SIK3: variants seen among roughly 807,000 people sequenced by gnomAD.
SIK3 encodes the protein serine/threonine-protein kinase SIK3.
A neutral mutation model predicts 144.2 loss-of-function variants in SIK3; 28 were observed. The observed-to-expected ratio is 0.19, with a 90% CI of 0.14 to 0.27. The LOEUF (loss-of-function observed/expected upper bound fraction) is 0.27, where lower values mean the gene tolerates loss of function less well. Ranked by LOEUF, SIK3 falls within the 10% of genes least tolerant of loss-of-function variation. SIK3 has a pLI of 1.00. For missense variants in SIK3, 1,319 were observed against 1,776.0 expected, an observed-to-expected ratio of 0.74 and a Z score of 4.62; for synonymous variants, 686 against 676.3, an observed-to-expected ratio of 1.01 and a Z score of -0.22.
At position 116,858,168 on chromosome 11, in the gene SIK3, G is replaced by A; in HGVS notation, c.3297C>T (p.Asp1099=). The change falls in exon 21 of 25, where the codon GAC becomes GAT. Residue 1099 remains aspartate, a synonymous_variant. Coordinates refer to ENST00000445177, the MANE Select transcript of SIK3 (RefSeq NM_001366686.3). This position sits in a 1 kb window ranked among gnomAD's most constrained non-coding sequence, Gnocchi z 5.4. ...ERQALSYQNA[D]SYHHHTSPQH... ...GGGGGCTGGTGTGATGGTGATAAGA[G>A]TCAGCATTTTGATAAGATAAAGCCT... The A allele has an allele frequency of 5.6e-6, 9 of 1,614,146 alleles. No homozygotes were observed. The highest frequency in any genetic ancestry group is 1.1e-5 in the South Asian group (1 of 91,076).
intron 1 of SIK3, among the ~76,000 whole-genome samples, chr11:117,095,422 GA>G (rs1955432762): frequency 2.6e-5 from 4 of 151,942 alleles, no homozygotes; most frequent in Admixed American, 6.6e-5. Context: ...ACAGATGGGG[GA>G]AAAAAATAAC....
At chr11:116,895,413 A>C (rs1411451864) in intron 6 of SIK3, among the ~76,000 whole-genome samples, 1 of 152,156 alleles carries the variant, frequency 6.6e-6, no homozygotes, top group African/African-American at 2.4e-5. Context: ...AGCATTTAGC[A>C]CTATCTTCTA....
At chr11:117,037,144 A>G (rs1952539952) in intron 1 of SIK3, among the ~76,000 whole-genome samples, 1 of 152,176 alleles carries the variant, frequency 6.6e-6, no homozygotes, top group African/African-American at 2.4e-5. Context: ...CCTGGTCTTT[A>G]TCCAGAATCT....
intron 3 of SIK3, among the ~76,000 whole-genome samples, chr11:116,935,782 C>T (rs1947885800): frequency 2.6e-5 from 4 of 152,130 alleles, no homozygotes; most frequent in Admixed American, 2.6e-4. Context: ...TGTTGCAATC[C>T]TAGCTCTAAC....
At chr11:116,927,927 T>G (rs1947367852) in intron 3 of SIK3, among the ~76,000 whole-genome samples, 1 of 152,242 alleles carries the variant, frequency 6.6e-6, no homozygotes, top group African/African-American at 2.4e-5. Flanking sequence ...AAAAACACAC[T>G]TACTCGGTAA....
At position 116,857,918 on chromosome 11, in the gene SIK3, C is replaced by G. The variant is rs1180126728; in HGVS notation, c.3547G>C (p.Asp1183His). The G allele has an allele frequency of 6.2e-7, 1 of 1,614,100 alleles. No individual in the cohort carries two copies. Among genetic ancestry groups the G allele is most frequent in the African/African-American group, 1.3e-5 (1 of 75,022 alleles). ...ACAGTTCCTAGCAAAGATTCAGGGT[C>G]CCCAGGTCCACCGGTACTCAAGAGC... The part of the protein sequence containing the change: ...PLLLSTGGPG[D>H]PESLLGTVSH... Residue 1183 changes from aspartate to histidine, a missense_variant, in exon 21 of 25, where the codon GAC (aspartate) becomes CAC (histidine). Physicochemically the swap from Asp to His is moderately conservative, Grantham distance 81. Coordinates refer to ENST00000445177, the MANE Select transcript of SIK3 (RefSeq NM_001366686.3).
chr11:116,866,564 C>T (rs1476503040), intron 15 of SIK3, among the ~76,000 whole-genome samples: 1 of 152,166 alleles, frequency 6.6e-6, no homozygotes, highest in African/African-American at 2.4e-5. Flanking sequence ...GCCTTAGCTT[C>T]CCGAGTAGCT....
At chr11:116,848,737 C>A (rs1325081074) in intron 22 of SIK3, among the ~76,000 whole-genome samples, 1 of 152,108 alleles carries the variant, frequency 6.6e-6, no homozygotes, top group Non-Finnish European at 1.5e-5. Context: ...TTAAGGTAGG[C>A]GAATTGCCTG....
chr11:116,859,638 C>T, intron 19 of SIK3, 34 bp from the exon 20 acceptor site: 1 of 1,579,912 alleles, frequency 6.3e-7, no homozygotes, highest in Non-Finnish European at 8.7e-7. Context: ...TGACCAAGTG[C>T]CCAGGCCACC....
At chr11:116,934,045 A>G (rs576271712) in intron 3 of SIK3, among the ~76,000 whole-genome samples, 30 of 152,254 alleles carry the variant, frequency 2.0e-4, no homozygotes, top group African/African-American at 7.2e-4. Flanking sequence ...GGTCTTTCCT[A>G]TCTCTATTGT....
chr11:116,947,370 T>C (rs1016906564), intron 3 of SIK3, among the ~76,000 whole-genome samples: 4 of 147,300 alleles, frequency 2.7e-5, no homozygotes, highest in Admixed American at 1.4e-4. Context: ...GTCCGAACAA[T>C]AGAAGAATCA....
At chr11:116,969,551 T>C (rs1289344246) in intron 1 of SIK3, among the ~76,000 whole-genome samples, 12 of 107,210 alleles carry the variant, frequency 1.1e-4, no homozygotes, top group South Asian at 5.9e-4. Context: ...ATAGATCAAG[T>C]TGGCATTTTT....
intron 1 of SIK3, among the ~76,000 whole-genome samples, chr11:117,069,185 G>T (rs745813141): frequency 0.031 from 181 of 5,760 alleles, no homozygotes; most frequent in Middle Eastern, 0.14. Flanking sequence ...ATTTTTTTTT[G>T]GGGGGGGGGG....
intron 1 of SIK3, among the ~76,000 whole-genome samples, chr11:117,049,626 CT>C (rs1200203351): frequency 6.6e-6 from 1 of 151,782 alleles, no homozygotes; most frequent in East Asian, 1.9e-4. Context: ...AGAAAAAAAC[CT>C]TTTTTACCCC....
chr11:117,021,428 A>G (rs1376054834), intron 1 of SIK3, among the ~76,000 whole-genome samples: 1 of 152,100 alleles, frequency 6.6e-6, no homozygotes, highest in Non-Finnish European at 1.5e-5. Context: ...AATTTTCCAA[A>G]CATTAACCCA....
chr11:117,049,625 C>A (rs898408363), intron 1 of SIK3, among the ~76,000 whole-genome samples: 1 of 151,898 alleles, frequency 6.6e-6, no homozygotes, highest in African/African-American at 2.4e-5. Context: ...AAGAAAAAAA[C>A]CTTTTTTACC....
At chr11:117,050,285 A>T (rs939467061) in intron 1 of SIK3, among the ~76,000 whole-genome samples, 2 of 149,490 alleles carry the variant, frequency 1.3e-5, no homozygotes, top group Admixed American at 1.3e-4. Flanking sequence ...TCAAGACTCC[A>T]TCACACACAC....
At chr11:116,953,779 G>T (rs2135386639) in intron 3 of SIK3, among the ~76,000 whole-genome samples, 1 of 152,330 alleles carries the variant, frequency 6.6e-6, no homozygotes, top group Admixed American at 6.5e-5. Flanking sequence ...GTTCAGAAAG[G>T]ATGCTTGTTT....
intron 13 of SIK3, among the ~76,000 whole-genome samples, chr11:116,871,709 A>G (rs906624278): frequency 3.3e-5 from 5 of 152,188 alleles, no homozygotes; most frequent in Non-Finnish European, 5.9e-5. Flanking sequence ...TGTTTCATTC[A>G]CAGGCACTGG....
Sources: gnomAD v4.1 joint callset for allele counts (sites outside exome capture counted in the v4.1 genomes callset) on GRCh38, gnomAD v4.1.1 for gene constraint, Gnocchi (gnomAD v3.1) non-coding constraint, MANE v1.5 for transcripts, NCBI Gene and HGNC (gene_info 2026-07-23, HGNC 2026-07-21) for gene names.